The following LRRTM4 variants were observed in gnomAD, a reference collection of about 807,000 sequenced individuals.
LRRTM4 encodes leucine-rich repeat transmembrane neuronal protein 4.
LRRTM4 carries 25 observed loss-of-function variants against 47.6 expected under a neutral mutation model. That is an observed-to-expected ratio of 0.53 (90% CI 0.38 to 0.73). LRRTM4 has a LOEUF of 0.73. LRRTM4 is among the 30% of genes least tolerant of loss of function. The pLI, the probability that LRRTM4 is intolerant of heterozygous loss-of-function variation, is 0.00. For missense variants in LRRTM4, 638 were observed against 713.4 expected (o/e 0.89, Z 1.20); for synonymous variants, 311 against 269.5 (o/e 1.15, Z -1.51).
In LRRTM4 at chr2:76,747,951, A is replaced by G. The variant is rs942478821; in HGVS notation, c.*744T>C. The G allele has an allele frequency of 6.6e-6, 1 of 152,168 alleles. No homozygotes were observed. Among genetic ancestry groups the G allele is most frequent in the African/African-American group, 2.4e-5 (1 of 41,438 alleles). The allele number at this position is 152,168 out of a possible 1,614,324, so 9.4% of individuals were successfully genotyped here. A position where few individuals can be genotyped will look rare whatever the true frequency, so the allele number is the denominator to read the frequency against. ...TTCATGGCTCTCTCAGGCATCCTAC[A>G]CAGTGAGGGCTGCCAATGGGACAAA... On this transcript the variant is annotated 3_prime_UTR_variant, in exon 4 of 4. Coordinates refer to ENST00000409884, the MANE Select transcript of LRRTM4 (RefSeq NM_001134745.3).
At chr2:77,058,598 AATC>A (rs139987588) in intron 3 of LRRTM4, among the ~76,000 whole-genome samples, 4,535 of 152,090 alleles carry the variant, frequency 0.03, 221 homozygotes, top group African/African-American at 0.1. Context: ...AAAATCTCAT[AATC>A]ATCATTGTAT....
intron 3 of LRRTM4, among the ~76,000 whole-genome samples, chr2:76,945,226 T>C (rs1052685972): frequency 3.3e-5 from 5 of 152,062 alleles, no homozygotes; most frequent in African/African-American, 1.2e-4. Context: ...TAACATCAAC[T>C]CTAGAGAAAT....
chr2:76,969,671 T>G (rs1314486329), intron 3 of LRRTM4, among the ~76,000 whole-genome samples: 2 of 151,940 alleles, frequency 1.3e-5, no homozygotes, highest in Non-Finnish European at 2.9e-5. Context: ...TACCAGTAAT[T>G]ACAATGATGG....
At chr2:76,841,301 G>A (rs907797131) in intron 3 of LRRTM4, among the ~76,000 whole-genome samples, 1 of 151,130 alleles carries the variant, frequency 6.6e-6, no homozygotes, top group Non-Finnish European at 1.5e-5. Context: ...GGGAGGGATA[G>A]TATTAGGAGA....
chr2:77,222,597 G>A (rs1044217421), intron 3 of LRRTM4, among the ~76,000 whole-genome samples: 1 of 152,134 alleles, frequency 6.6e-6, no homozygotes, highest in African/African-American at 2.4e-5. Context: ...GAATAAAGTA[G>A]AAAATCTAGA....
intron 3 of LRRTM4, among the ~76,000 whole-genome samples, chr2:77,400,442 C>A (rs1673905906): frequency 1.3e-5 from 2 of 151,736 alleles, no homozygotes; most frequent in Non-Finnish European, 2.9e-5. Flanking sequence ...GCTCAAAAAA[C>A]CTTCTACCAC....
At chr2:77,245,280 C>G (rs1675401658) in intron 3 of LRRTM4, among the ~76,000 whole-genome samples, 1 of 152,024 alleles carries the variant, frequency 6.6e-6, no homozygotes, top group African/African-American at 2.4e-5. Flanking sequence ...GGCCGGGTGC[C>G]TCATGCCTGT....
chr2:76,767,911 A>C (rs1374065315), intron 3 of LRRTM4, among the ~76,000 whole-genome samples: 2 of 152,198 alleles, frequency 1.3e-5, no homozygotes, highest in African/African-American at 4.8e-5. Context: ...AGAATCTATA[A>C]AATATTAATT....
chr2:77,159,467 C>T (rs956090365), intron 3 of LRRTM4, among the ~76,000 whole-genome samples: 2 of 145,924 alleles, frequency 1.4e-5, no homozygotes, highest in Non-Finnish European at 3.0e-5. Context: ...CACACATATA[C>T]ATATGTAACA....
intron 3 of LRRTM4, among the ~76,000 whole-genome samples, chr2:77,311,248 A>C (rs1677448066): frequency 6.6e-6 from 1 of 152,194 alleles, no homozygotes; most frequent in African/African-American, 2.4e-5. Context: ...AATCTACCTC[A>C]TTTGAGGGTA....
At chr2:77,051,633 T>C (rs1161859136) in intron 3 of LRRTM4, among the ~76,000 whole-genome samples, 1 of 152,188 alleles carries the variant, frequency 6.6e-6, no homozygotes, top group African/African-American at 2.4e-5. Flanking sequence ...CTGAAATTAT[T>C]TTCTATTCTT....
At chr2:77,166,616 C>A (rs963232431) in intron 3 of LRRTM4, among the ~76,000 whole-genome samples, 2 of 152,012 alleles carry the variant, frequency 1.3e-5, no homozygotes, top group African/African-American at 4.8e-5. Context: ...AGATATAGAC[C>A]AATGGAACAG....
intron 3 of LRRTM4, among the ~76,000 whole-genome samples, chr2:77,037,298 T>C (rs13034088): frequency 0.25 from 37,923 of 151,594 alleles, 4,969 homozygotes; most frequent in East Asian, 0.41. Flanking sequence ...CAAACCATGT[T>C]AAATACAAAG....
intron 3 of LRRTM4, among the ~76,000 whole-genome samples, chr2:77,101,925 G>C (rs1283414463): frequency 2.6e-5 from 4 of 152,138 alleles, no homozygotes; most frequent in African/African-American, 9.7e-5. Flanking sequence ...CTTGCTACAT[G>C]AGTCTTCAAA....
At chr2:76,903,150 T>A (rs145206235) in intron 3 of LRRTM4, among the ~76,000 whole-genome samples, 1,805 of 152,156 alleles carry the variant, frequency 0.012, 32 homozygotes, top group African/African-American at 0.041. Flanking sequence ...GGTGGGTGGA[T>A]CAAGAGGTCA....
chr2:76,898,924 AT>A (rs1226940649), intron 3 of LRRTM4, among the ~76,000 whole-genome samples: 1 of 152,006 alleles, frequency 6.6e-6, no homozygotes, highest in Non-Finnish European at 1.5e-5. Flanking sequence ...AGCAATTCAC[AT>A]ATTTTGAAAG....
chr2:77,371,975 G>T (rs1672671847), intron 3 of LRRTM4, among the ~76,000 whole-genome samples: 1 of 151,716 alleles, frequency 6.6e-6, no homozygotes, highest in Admixed American at 6.6e-5. Flanking sequence ...CATGAAACAA[G>T]ACACATGAAG....
At chr2:76,941,775 G>A (rs1180938268) in intron 3 of LRRTM4, among the ~76,000 whole-genome samples, 2 of 152,072 alleles carry the variant, frequency 1.3e-5, no homozygotes, top group Non-Finnish European at 2.9e-5. Flanking sequence ...ATAAACACAC[G>A]TGTGCATGTG....
chr2:77,186,195 A>C (rs572743309), intron 3 of LRRTM4, among the ~76,000 whole-genome samples: 133 of 152,290 alleles, frequency 8.7e-4, no homozygotes, highest in Non-Finnish European at 1.7e-3. Flanking sequence ...TGCACATTCA[A>C]GTCTGTGCCC....
Sources: allele counts gnomAD v4.1 joint callset (sites outside exome capture counted in the v4.1 genomes callset), GRCh38; gene constraint gnomAD v4.1.1; transcripts MANE v1.5; gene names NCBI Gene and HGNC (gene_info 2026-07-23, HGNC 2026-07-21).